AR: variants seen among roughly 807,000 people sequenced by gnomAD.
The protein encoded by AR is androgen receptor, also known as dihydrotestosterone receptor.
AR carries 8 observed loss-of-function variants against 53.9 expected under a neutral mutation model. The observed-to-expected ratio is 0.15, with a 90% CI of 0.09 to 0.27. AR has a LOEUF of 0.27. AR is among the 10% of genes least tolerant of loss of function. The pLI is 1.00. For synonymous variants in AR, 359 were observed against 316.4 expected, an observed-to-expected ratio of 1.13 and a Z score of -1.43; for missense variants, 639 against 742.5, an observed-to-expected ratio of 0.86 and a Z score of 1.62.
chrX:67,629,773 T>A (rs1344195055), intron 1 of AR, among the ~76,000 whole-genome samples: 1 of 110,209 alleles, frequency 9.1e-6, no homozygotes, highest in Non-Finnish European at 1.9e-5. Context: ...TTGCGGGCAT[T>A]TAGTGCTATA....
intron 2 of AR, among the ~76,000 whole-genome samples, chrX:67,682,464 AT>A (rs1280499520): frequency 1.9e-5 from 2 of 106,443 alleles, no homozygotes; most frequent in African/African-American, 6.9e-5. Flanking sequence ...TTTTTTTTTC[AT>A]TTTTTTATAG....
At chrX:67,578,806 T>G (rs985012301) in intron 1 of AR, among the ~76,000 whole-genome samples, 1 of 111,812 alleles carries the variant, frequency 8.9e-6, no homozygotes, top group African/African-American at 3.2e-5. Flanking sequence ...GCTGGGAAAA[T>G]GAAAGGACTT....
chrX:67,724,843 C>A lies in AR; in HGVS notation c.*1002C>A. On this transcript the variant is annotated 3_prime_UTR_variant, in exon 8 of 8. Transcript: ENST00000374690. ...TGGCGACTTCCACAGAAAAGTCTGA[C>A]CACTGAGAAGAAGGAGAGCAGAGAT... The A allele has an allele frequency of 5.7e-6, 1 of 175,467 alleles. No homozygotes were observed. The highest frequency in any genetic ancestry group is 1.1e-5 in the Non-Finnish European group (1 of 91,721). 14.5% of individuals were successfully genotyped at this position (175,467 alleles called of 1,213,427 possible).
chrX:67,685,081 C>T (rs2075958418), intron 2 of AR, among the ~76,000 whole-genome samples: 2 of 111,231 alleles, frequency 1.8e-5, no homozygotes, highest in Non-Finnish European at 3.8e-5. Context: ...AGCACGGTTG[C>T]AAGCATGAGA....
intron 2 of AR, among the ~76,000 whole-genome samples, chrX:67,661,095 A>G (rs1267095916): frequency 8.9e-6 from 1 of 111,907 alleles, no homozygotes; most frequent in South Asian, 3.8e-4. Context: ...GTTGCTTATC[A>G]GCTTAAGGAG....
rs746853821 is a variant in AR at position 67,546,514 on chromosome X, TGGCGGCGGC to T, written c.1412_1420del (p.Gly471_Gly473del). ...GACCGTGTGGTGGTGGTGGGGGTGG[TGGCGGCGGC>T]GGCGGCGGCGGCGGCGGCGGCGGCG... On this transcript the variant is annotated inframe_deletion, in exon 1 of 8. Coordinates refer to ENST00000374690, the MANE Select transcript of AR (RefSeq NM_000044.6). 10,918 of 558,071 alleles carry T rather than the reference TGGCGGCGGC, an allele frequency of 0.02. 733 individuals carry two copies. Among genetic ancestry groups the T allele is most frequent in the African/African-American group, 0.097 (3,346 of 34,547 alleles). 46.0% of individuals were successfully genotyped at this position (558,071 alleles called of 1,213,427 possible). A position where few individuals can be genotyped will look rare whatever the true frequency, so the allele number is the denominator to read the frequency against.
chrX:67,582,611 A>G (rs1922345138), intron 1 of AR, among the ~76,000 whole-genome samples: 1 of 111,806 alleles, frequency 8.9e-6, no homozygotes. Context: ...CTATTACACG[A>G]AACTAAAGAT....
Position 67,544,911 on chromosome X carries a change from T to C in AR, c.-236T>C. 1 of 378,147 alleles carries C rather than the reference T, an allele frequency of 2.6e-6. No homozygotes were observed. Among genetic ancestry groups the C allele is most frequent in the East Asian group, 4.3e-5 (1 of 23,251 alleles). The allele number at this position is 378,147 out of a possible 1,213,427, so 31.2% of individuals were successfully genotyped here. ...ACCCTTCAAGTATTAAGAGACAGAC[T>C]GTGAGCCTAGCAGGGCAGATCTTGT... is the stretch of plus-strand genomic sequence containing the variant. On this transcript the variant is annotated 5_prime_UTR_variant, in exon 1 of 8. Transcript: ENST00000374690.
chrX:67,693,837 G>T (rs955565724), intron 3 of AR, among the ~76,000 whole-genome samples: 1 of 112,061 alleles, frequency 8.9e-6, no homozygotes, highest in Non-Finnish European at 1.9e-5. Flanking sequence ...CTCAACCAAG[G>T]CATAGAAATA....
chrX:67,697,170 C>G (rs1048786406), intron 3 of AR, among the ~76,000 whole-genome samples: 3 of 111,736 alleles, frequency 2.7e-5, no homozygotes, highest in Non-Finnish European at 3.8e-5. Flanking sequence ...CACTTTGCCC[C>G]CTCTCAGGAA....
intron 2 of AR, among the ~76,000 whole-genome samples, chrX:67,676,185 T>G (rs780660547): frequency 1.3e-4 from 15 of 112,073 alleles, no homozygotes; most frequent in Non-Finnish European, 3.8e-5. Flanking sequence ...ATTATTTGCC[T>G]CTGAGCAACC....
At chrX:67,656,425 A>G (rs771968769) in intron 2 of AR, among the ~76,000 whole-genome samples, 6 of 111,225 alleles carry the variant, frequency 5.4e-5, no homozygotes, top group African/African-American at 1.6e-4. Context: ...AGGCATTGAA[A>G]CAATCCTAAC....
At chrX:67,561,096 A>G (rs1223656737) in intron 1 of AR, among the ~76,000 whole-genome samples, 1 of 112,208 alleles carries the variant, frequency 8.9e-6, no homozygotes, top group Non-Finnish European at 1.9e-5. Context: ...ACTTGTGTTA[A>G]TGTCTGATAA....
chrX:67,544,967 T>C lies in AR; in HGVS notation c.-180T>C, dbSNP rs1015004548. The C allele has an allele frequency of 3.4e-6, 2 of 586,868 alleles. No homozygotes were observed. Among genetic ancestry groups the C allele is most frequent in the African/African-American group, 4.7e-5 (2 of 42,795 alleles). The allele number at this position is 586,868 out of a possible 1,213,427, so 48.4% of individuals were successfully genotyped here. The stretch of plus-strand genomic sequence containing the variant: ...GTGTGTCTTCTTCTGCACGAGACTT[T>C]GAGGCTGTCAGAGCGCTTTTTGCGT... On this transcript the variant is annotated 5_prime_UTR_variant, in exon 1 of 8. Transcript: ENST00000374690.
At chrX:67,552,199 TCCTTAGC>T (rs1379110624) in intron 1 of AR, among the ~76,000 whole-genome samples, 7 of 111,921 alleles carry the variant, frequency 6.3e-5, no homozygotes, top group Admixed American at 3.8e-4. Flanking sequence ...ATTCCCTCAG[TCCTTAGC>T]AACCAATAAT....
At chrX:67,568,994 C>G (rs2147344438) in intron 1 of AR, 1 of 1,210,579 alleles carries the variant, frequency 8.3e-7, no homozygotes, top group Non-Finnish European at 1.1e-6. Flanking sequence ...TTGCCTGTCA[C>G]TTTTTCCCAT....
chrX:67,614,114 A>AG (rs1171702469), intron 1 of AR, among the ~76,000 whole-genome samples: 1 of 112,266 alleles, frequency 8.9e-6, no homozygotes, highest in Admixed American at 9.5e-5. Flanking sequence ...TAGGGAAAGG[A>AG]GGCCTATGAG....
At chrX:67,674,907 T>C (rs1350926379) in intron 2 of AR, among the ~76,000 whole-genome samples, 2 of 111,209 alleles carry the variant, frequency 1.8e-5, no homozygotes, top group East Asian at 2.9e-4. Context: ...TGGGTCACTC[T>C]TGAAGCAAGA....
intron 1 of AR, among the ~76,000 whole-genome samples, chrX:67,607,637 G>A (rs1002708078): frequency 6.2e-5 from 7 of 112,024 alleles, no homozygotes; most frequent in Admixed American, 5.7e-4. Flanking sequence ...ATGGGATAAT[G>A]GATTTGTAAG....
Sources: allele counts gnomAD v4.1 joint callset (sites outside exome capture counted in the v4.1 genomes callset), GRCh38; gene constraint gnomAD v4.1.1; transcripts MANE v1.5; gene names NCBI Gene and HGNC (gene_info 2026-07-23, HGNC 2026-07-21).